TRPM3: variants seen among roughly 807,000 people sequenced by gnomAD.
TRPM3 encodes the protein long transient receptor potential channel 3.
In TRPM3, 77 loss-of-function variants were observed where a neutral mutation model predicts 181.2. That is an observed-to-expected ratio of 0.42 (90% CI 0.35 to 0.51). TRPM3 has a LOEUF of 0.51. Among genes scored for constraint, TRPM3 ranks in the 20% least tolerant of loss-of-function variants. TRPM3 has a pLI of 0.01. For missense variants in TRPM3, 1,759 were observed against 2,196.7 expected (o/e 0.80, Z 3.98); for synonymous variants, 745 against 796.4 (o/e 0.94, Z 1.09).
intron 1 of TRPM3, among the ~76,000 whole-genome samples, chr9:71,199,997 A>C (rs1338898165): frequency 6.6e-6 from 1 of 151,978 alleles, no homozygotes. Context: ...CCTGCTTTCT[A>C]TTGTGCACAT....
At chr9:71,230,174 G>A (rs916464059) in intron 1 of TRPM3, among the ~76,000 whole-genome samples, 3 of 152,144 alleles carry the variant, frequency 2.0e-5, no homozygotes, top group Admixed American at 6.5e-5. Context: ...AACATGGATA[G>A]AACTAAATGT....
At chr9:71,090,485 C>T (rs1213962258) in intron 1 of TRPM3, among the ~76,000 whole-genome samples, 2 of 152,178 alleles carry the variant, frequency 1.3e-5, no homozygotes, top group Non-Finnish European at 1.5e-5. Flanking sequence ...AGATCCACCA[C>T]CAACCTGGTC....
At chr9:71,235,256 G>C (rs2081291839) in intron 1 of TRPM3, among the ~76,000 whole-genome samples, 1 of 152,212 alleles carries the variant, frequency 6.6e-6, no homozygotes, top group Admixed American at 6.5e-5. Flanking sequence ...GGCCTTCCTT[G>C]ACCACACACT....
At chr9:70,988,580 T>G (rs1441779279) in intron 1 of TRPM3, among the ~76,000 whole-genome samples, 1 of 152,216 alleles carries the variant, frequency 6.6e-6, no homozygotes, top group East Asian at 1.9e-4. Flanking sequence ...TCCCAGCCAG[T>G]GATTATTCAA....
In TRPM3 at chr9:70,793,484, AT is replaced by A. The variant is rs1462755356; in HGVS notation, c.974-9206del. ...AAAAAAAAAAAATATATATATATAT[AT>A]ATATATAAAACACATATGTATATGT... On this transcript the variant is annotated intron_variant, in intron 6 of 25. Coordinates refer to ENST00000677713, the MANE Select transcript of TRPM3 (RefSeq NM_001366145.2). 27 of 160,386 alleles carry A rather than the reference AT, an allele frequency of 1.7e-4. 1 individual carries two copies. The highest frequency in any genetic ancestry group is 8.7e-4 in the South Asian group (5 of 5,760). 9.9% of individuals were successfully genotyped at this position (160,386 alleles called of 1,614,324 possible).
chr9:71,429,218 C>T (rs1348513633), intron 1 of TRPM3, among the ~76,000 whole-genome samples: 1 of 152,134 alleles, frequency 6.6e-6, no homozygotes, highest in Non-Finnish European at 1.5e-5. Context: ...TCAATCTTTG[C>T]TCCATATTTC....
upstream of TRPM3, chr9:71,446,967 A>G: frequency 5.3e-6 from 5 of 944,144 alleles, no homozygotes; most frequent in Non-Finnish European, 7.4e-6. Flanking sequence ...GGCTCCTGCC[A>G]GAGCCCCGCG....
chr9:71,073,231 T>C (rs1487398474), intron 1 of TRPM3, among the ~76,000 whole-genome samples: 1 of 152,020 alleles, frequency 6.6e-6, no homozygotes, highest in Non-Finnish European at 1.5e-5. Context: ...AATCAAGTCA[T>C]AAAGATGAGA....
chr9:71,352,935 G>T (rs1270560861), intron 1 of TRPM3, among the ~76,000 whole-genome samples: 2 of 152,028 alleles, frequency 1.3e-5, no homozygotes, highest in Non-Finnish European at 2.9e-5. Flanking sequence ...CCTCCACACA[G>T]GTCTCCTGGA....
chr9:70,799,375 C>A (rs938488007), intron 6 of TRPM3, among the ~76,000 whole-genome samples: 1 of 152,230 alleles, frequency 6.6e-6, no homozygotes, highest in African/African-American at 2.4e-5. Context: ...TTCTGATCCA[C>A]AGTTGGGAAA....
intron 1 of TRPM3, among the ~76,000 whole-genome samples, chr9:71,098,418 G>T (rs1376237475): frequency 6.6e-6 from 1 of 152,158 alleles, no homozygotes; most frequent in Non-Finnish European, 1.5e-5. Flanking sequence ...CCAGGCTGCT[G>T]GGAAGTTCCT....
chr9:71,227,873 C>A (rs945611411), intron 1 of TRPM3, among the ~76,000 whole-genome samples: 33 of 152,158 alleles, frequency 2.2e-4, no homozygotes, highest in African/African-American at 7.5e-4. Context: ...AAGCCTGGGA[C>A]CCGATGACTT....
At chr9:70,811,490 C>T (rs1002580332) in intron 6 of TRPM3, among the ~76,000 whole-genome samples, 2 of 152,162 alleles carry the variant, frequency 1.3e-5, no homozygotes, top group African/African-American at 4.8e-5. Context: ...ATTCTTTATT[C>T]TCTTCCAGCC....
At chr9:71,409,590 A>C (rs757198738) in intron 1 of TRPM3, among the ~76,000 whole-genome samples, 1 of 152,146 alleles carries the variant, frequency 6.6e-6, no homozygotes, top group Non-Finnish European at 1.5e-5. Context: ...CAATACAGGA[A>C]CACCCAGATT....
At chr9:71,404,900 T>C (rs1053167248) in intron 1 of TRPM3, among the ~76,000 whole-genome samples, 3 of 152,176 alleles carry the variant, frequency 2.0e-5, no homozygotes, top group Non-Finnish European at 2.9e-5. Flanking sequence ...CTAGAAAATA[T>C]CTCTAGATCT....
intron 19 of TRPM3, among the ~76,000 whole-genome samples, chr9:70,607,624 C>T (rs1449315293): frequency 1.3e-5 from 2 of 151,274 alleles, no homozygotes; most frequent in African/African-American, 2.5e-5. Flanking sequence ...TCATAAGATT[C>T]GCCTGGGAAG....
chr9:71,256,379 T>C (rs1246881013), intron 1 of TRPM3, among the ~76,000 whole-genome samples: 2 of 152,252 alleles, frequency 1.3e-5, no homozygotes, highest in African/African-American at 2.4e-5. Context: ...GTACCAACTA[T>C]GTGACAGGTG....
chr9:71,199,607 T>C (rs1365212710), intron 1 of TRPM3, among the ~76,000 whole-genome samples: 1 of 152,170 alleles, frequency 6.6e-6, no homozygotes, highest in African/African-American at 2.4e-5. Flanking sequence ...CTTGGGAGAG[T>C]GTATGTGTCA....
chr9:71,328,462 G>A (rs1029217492), intron 1 of TRPM3, among the ~76,000 whole-genome samples: 2 of 152,138 alleles, frequency 1.3e-5, no homozygotes, highest in Admixed American at 6.5e-5. Context: ...CACCGCACCC[G>A]GCCGACTTCT....
Sources: allele counts gnomAD v4.1 joint callset (sites outside exome capture counted in the v4.1 genomes callset), GRCh38; gene constraint gnomAD v4.1.1; transcripts MANE v1.5; gene names NCBI Gene and HGNC (gene_info 2026-07-23, HGNC 2026-07-21).